The following GKAP1 variants were observed in gnomAD, a reference collection of about 807,000 sequenced individuals.
The protein encoded by GKAP1 is G kinase-anchoring protein 1.
A neutral mutation model predicts 56.7 loss-of-function variants in GKAP1; 31 were observed. The observed-to-expected ratio is 0.55, with a 90% CI of 0.41 to 0.74. GKAP1 has a LOEUF of 0.74. Among genes scored for constraint, GKAP1 ranks in the 30% least tolerant of loss-of-function variants. GKAP1 has a pLI of 0.00. For synonymous variants in GKAP1, 151 were observed against 138.6 expected (o/e 1.09, Z -0.63); for missense variants, 364 against 402.3 (o/e 0.90, Z 0.82).
At chr9:83,809,836 C>T (rs1944483682) in intron 2 of GKAP1, among the ~76,000 whole-genome samples, 1 of 152,164 alleles carries the variant, frequency 6.6e-6, no homozygotes, top group Admixed American at 6.5e-5. Context: ...GAGACAGGGT[C>T]TCGCTCTGTC....
At chr9:83,783,555 A>G (rs1944013878) in intron 6 of GKAP1, among the ~76,000 whole-genome samples, 1 of 152,228 alleles carries the variant, frequency 6.6e-6, no homozygotes, top group Non-Finnish European at 1.5e-5. Context: ...AGTTTAGTGG[A>G]TAGTAAAATT....
At chr9:83,772,270 A>G (rs2131272704) in intron 7 of GKAP1, among the ~76,000 whole-genome samples, 2 of 152,322 alleles carry the variant, frequency 1.3e-5, no homozygotes, top group East Asian at 3.9e-4. Context: ...AATGGAACAG[A>G]ATTGAGAATC....
intron 8 of GKAP1, among the ~76,000 whole-genome samples, chr9:83,762,594 A>G (rs1226121502): frequency 6.6e-6 from 1 of 152,170 alleles, no homozygotes; most frequent in South Asian, 2.1e-4. Flanking sequence ...CTAGCCAAAG[A>G]TATCTTAAGC....
chr9:83,809,978 T>C (rs1208595739), intron 2 of GKAP1, among the ~76,000 whole-genome samples: 1 of 152,052 alleles, frequency 6.6e-6, no homozygotes, highest in Non-Finnish European at 1.5e-5. Flanking sequence ...TGGCTAATTT[T>C]TTCTATTTTT....
chr9:83,747,458 A>G (rs529218814), intron 10 of GKAP1, among the ~76,000 whole-genome samples: 1 of 152,300 alleles, frequency 6.6e-6, no homozygotes, highest in Admixed American at 6.5e-5. Flanking sequence ...TGCCTCCTTC[A>G]ATAACTGAAA....
chr9:83,794,781 A>C (rs1226501655), intron 4 of GKAP1, among the ~76,000 whole-genome samples: 3 of 152,160 alleles, frequency 2.0e-5, no homozygotes, highest in Non-Finnish European at 4.4e-5. Flanking sequence ...TACCTGAAAA[A>C]CATCTACACA....
chr9:83,797,109 A>G (rs576269234), intron 4 of GKAP1, among the ~76,000 whole-genome samples: 1 of 152,304 alleles, frequency 6.6e-6, no homozygotes, highest in South Asian at 2.1e-4. Context: ...CCTACTGTCC[A>G]TCTGGTTAGG....
At chr9:83,763,199 C>T (rs1244980524) in intron 8 of GKAP1, among the ~76,000 whole-genome samples, 1 of 152,198 alleles carries the variant, frequency 6.6e-6, no homozygotes, top group African/African-American at 2.4e-5. Context: ...GCAAACATCA[C>T]ATGTTCTCAC....
At chr9:83,801,080 C>T (rs1047313133) in intron 3 of GKAP1, among the ~76,000 whole-genome samples, 19 of 152,188 alleles carry the variant, frequency 1.2e-4, no homozygotes, top group Admixed American at 1.2e-3. Flanking sequence ...CAGATGTAAT[C>T]AAGTTAAGAT....
In GKAP1 at chr9:83,806,555, T is replaced by C. The variant is rs1239856121; in HGVS notation, c.-38A>G. On this transcript the variant is annotated 5_prime_UTR_variant, in exon 3 of 13. Transcript: ENST00000376371. ...TCTTTTAAAATACTTCTGTCAAGAA[T>C]AATTTCTGTGGGGAGGCAGAAGAGT... The C allele has an allele frequency of 6.3e-7, 1 of 1,576,570 alleles. No homozygotes were observed. The highest frequency in any genetic ancestry group is 8.7e-7 in the Non-Finnish European group (1 of 1,152,478).
intron 2 of GKAP1, among the ~76,000 whole-genome samples, 193 bp downstream of exon 2, chr9:83,816,803 G>C (rs886428441): frequency 1.3e-5 from 2 of 152,154 alleles, no homozygotes; most frequent in African/African-American, 4.8e-5. Flanking sequence ...AGAGGAGGAA[G>C]AGAAAAGGCA....
intron 8 of GKAP1, among the ~76,000 whole-genome samples, chr9:83,763,617 T>C (rs979532516): frequency 6.6e-6 from 1 of 152,212 alleles, no homozygotes; most frequent in Non-Finnish European, 1.5e-5. Context: ...AAGTTTCTAA[T>C]TCAAATGCTA....
rs1554742273 is a variant in GKAP1, at chr9:83,779,448, T to TATACACACACAC, written c.585+933_585+934insGTGTGTGTGTAT. ...AGCCATATATATATATATATATATA[T>TATACACACACAC]ACACACACACACACACGCACATATA... is the stretch of plus-strand genomic sequence containing the variant. On this transcript the variant is annotated intron_variant, in intron 7 of 12. Coordinates refer to ENST00000376371, the MANE Select transcript of GKAP1 (RefSeq NM_025211.4). 1.6e-3 allele frequency among the ~76,000 whole-genome samples: 188 copies of TATACACACACAC among 119,608 alleles called. 4 individuals are homozygous for TATACACACACAC. Among genetic ancestry groups the TATACACACACAC allele is most frequent in the African/African-American group, 5.2e-3 (169 of 32,404 alleles). The allele number at this position is 119,608 out of a possible 152,430, so 78.5% of individuals were successfully genotyped here.
chr9:83,767,934 G>A (rs1486056993), intron 8 of GKAP1, among the ~76,000 whole-genome samples: 3 of 152,142 alleles, frequency 2.0e-5, no homozygotes, highest in East Asian at 3.9e-4. Flanking sequence ...TGATCTGCCC[G>A]CTTCAGCCTC....
chr9:83,752,573 T>TTC (rs1368489896), intron 9 of GKAP1, among the ~76,000 whole-genome samples: 5 of 151,774 alleles, frequency 3.3e-5, no homozygotes, highest in African/African-American at 1.2e-4. Flanking sequence ...GAATGGGGAG[T>TTC]TCTTTGTGGG....
chr9:83,776,234 A>G (rs1031596583), intron 7 of GKAP1, among the ~76,000 whole-genome samples: 2 of 152,208 alleles, frequency 1.3e-5, no homozygotes, highest in African/African-American at 4.8e-5. Context: ...CAAATGTAAC[A>G]CATACAAACA....
Position 83,810,992 on chromosome 9 carries a change from G to C in GKAP1, c.-43-4432C>G, listed in dbSNP as rs575972283. 3.3e-5 allele frequency among the ~76,000 whole-genome samples: 5 copies of C among 152,256 alleles called. 1 individual carries two copies. The South Asian group carries it at 8.3e-4, about 25-fold the overall frequency. ...TACTGGAGGCAACTGTAACACAATG[G>C]TAAGTATTTGTATATCTAAAGAAAA... is the stretch of plus-strand genomic sequence containing the variant. On this transcript the variant is annotated intron_variant, in intron 2 of 12. Coordinates refer to ENST00000376371, the MANE Select transcript of GKAP1 (RefSeq NM_025211.4).
intron 6 of GKAP1, among the ~76,000 whole-genome samples, chr9:83,781,805 T>G (rs1053230357): frequency 3.3e-5 from 5 of 152,138 alleles, no homozygotes; most frequent in African/African-American, 1.2e-4. Flanking sequence ...GAAAGCATTC[T>G]TTCCATGTTT....
chr9:83,783,220 A>G lies in GKAP1; in HGVS notation c.562+1495T>C, dbSNP rs567976549. Among the ~76,000 whole-genome samples the G allele has an allele frequency of 7.9e-5, 12 of 152,334 alleles. No individual in the cohort carries two copies. The South Asian group carries it at 2.1e-3, about 26-fold the overall frequency. ...TGCCCAATGTACTAAGGCTGAATTC[A>G]TATGAGTCAAATAAAATGCTCTGTC... On this transcript the variant is annotated intron_variant, in intron 6 of 12. Coordinates refer to ENST00000376371, the MANE Select transcript of GKAP1 (RefSeq NM_025211.4).
Sources: gnomAD v4.1 joint callset for allele counts (sites outside exome capture counted in the v4.1 genomes callset) on GRCh38, gnomAD v4.1.1 for gene constraint, MANE v1.5 for transcripts, NCBI Gene and HGNC (gene_info 2026-07-23, HGNC 2026-07-21) for gene names.